Variants in TMEM182 observed in about 807,000 individuals in gnomAD.
TMEM182 encodes the protein transmembrane protein 182.
A neutral mutation model predicts 26.8 loss-of-function variants in TMEM182; 20 were observed. The ratio of observed to expected loss-of-function variants is 0.75; its 90% CI spans 0.53 to 1.09. The LOEUF (loss-of-function observed/expected upper bound fraction) is 1.09, where lower values mean the gene tolerates loss of function less well. Ranked by LOEUF, TMEM182 falls within the 50% of genes least tolerant of loss-of-function variation. TMEM182 has a pLI of 0.00. For missense variants in TMEM182, 277 were observed against 275.5 expected, an observed-to-expected ratio of 1.01 and a Z score of -0.04; for synonymous variants, 109 against 102.2, an observed-to-expected ratio of 1.07 and a Z score of -0.40.
intron 3 of TMEM182, among the ~76,000 whole-genome samples, chr2:102,795,861 A>G (rs1360068015): frequency 1.3e-5 from 2 of 152,162 alleles, no homozygotes; most frequent in Non-Finnish European, 2.9e-5. Flanking sequence ...CCATGCAGCC[A>G]TGACACATAG....
Position 102,782,824 on chromosome 2 carries a change from ATTTT to A in TMEM182, c.332-15034_332-15031del, listed in dbSNP as rs992522413. Among the ~76,000 whole-genome samples, 211 of 152,170 alleles carry A rather than the reference ATTTT, an allele frequency of 1.4e-3. 2 individuals carry two copies. Among genetic ancestry groups the A allele is most frequent in the African/African-American group, 4.9e-3 (205 of 41,520 alleles). On this transcript the variant is annotated intron_variant, in intron 3 of 4. Transcript: ENST00000412401. ...TTAGTTTTGTATAGAGCATCAATATATTTTTTTTCTTTCTATTTAGAAACAAGTT... is the reference window on the plus strand; with the variant it reads ...TTAGTTTTGTATAGAGCATCAATATATTTTCTTTCTATTTAGAAACAAGTT...
At chr2:102,818,667 A>G (rs577309763), downstream of TMEM182, among the ~76,000 whole-genome samples, 4 of 152,274 alleles carry the variant, frequency 2.6e-5, no homozygotes, top group African/African-American at 7.2e-5. Flanking sequence ...TGAAGGGGCA[A>G]TTGGACGGTT....
intron 3 of TMEM182, among the ~76,000 whole-genome samples, chr2:102,774,754 T>C (rs1400491367): frequency 6.6e-6 from 1 of 152,198 alleles, no homozygotes; most frequent in Admixed American, 6.5e-5. Flanking sequence ...TGTCAAAAAA[T>C]AGTTGATCCT....
At chr2:102,755,182 A>G (rs1231431387) in intron 1 of TMEM182, among the ~76,000 whole-genome samples, 1 of 152,232 alleles carries the variant, frequency 6.6e-6, no homozygotes, top group Non-Finnish European at 1.5e-5. Context: ...AGAGGGAAAA[A>G]AAGGATAACC....
At chr2:102,776,795 A>G (rs1285969196) in intron 3 of TMEM182, among the ~76,000 whole-genome samples, 2 of 152,174 alleles carry the variant, frequency 1.3e-5, no homozygotes, top group Non-Finnish European at 2.9e-5. Context: ...CTGTTGTTCT[A>G]TATCCTTGTC....
chr2:102,750,944 G>A (rs1679857816), intron 1 of TMEM182, among the ~76,000 whole-genome samples: 1 of 152,160 alleles, frequency 6.6e-6, no homozygotes, highest in African/African-American at 2.4e-5. Context: ...GTTGGTTTCT[G>A]GTAAGGCCTG....
At chr2:102,838,112 C>T (rs1265091231) in intron 3 of TMEM182, among the ~76,000 whole-genome samples, 1 of 152,142 alleles carries the variant, frequency 6.6e-6, no homozygotes, top group Non-Finnish European at 1.5e-5. Flanking sequence ...AGTCTTATTC[C>T]CTTTTTCTTG....
chr2:102,758,358 G>GCAAC, upstream of TMEM182: 1 of 673,762 alleles, frequency 1.5e-6, no homozygotes, highest in South Asian at 1.7e-5. Context: ...ACTTGGGGAA[G>GCAAC]CAACACTGAA....
At chr2:102,770,170 A>G (rs1292645253) in intron 3 of TMEM182, among the ~76,000 whole-genome samples, 1 of 152,216 alleles carries the variant, frequency 6.6e-6, no homozygotes, top group African/African-American at 2.4e-5. Flanking sequence ...AAGAAGCATT[A>G]AGAAACAAGT....
At chr2:102,811,672 T>G (rs1245275642) in intron 4 of TMEM182, among the ~76,000 whole-genome samples, 1 of 152,308 alleles carries the variant, frequency 6.6e-6, no homozygotes, top group East Asian at 1.9e-4. Flanking sequence ...CACTGTGAGT[T>G]CCTATTTTAT....
At chr2:102,747,613 G>A (rs1480620993) in intron 1 of TMEM182, among the ~76,000 whole-genome samples, 1 of 152,028 alleles carries the variant, frequency 6.6e-6, no homozygotes, top group Admixed American at 6.6e-5. Flanking sequence ...TAGTTGAGAT[G>A]CCATGTAACC....
intron 3 of TMEM182, among the ~76,000 whole-genome samples, chr2:102,768,217 T>C (rs1193567224): frequency 1.3e-5 from 2 of 152,096 alleles, no homozygotes; most frequent in African/African-American, 2.4e-5. Flanking sequence ...TCCATGAGAG[T>C]GGGAGTCTTG....
chr2:102,837,138 A>G (rs1683260195), intron 3 of TMEM182, among the ~76,000 whole-genome samples: 1 of 152,170 alleles, frequency 6.6e-6, no homozygotes, highest in Non-Finnish European at 1.5e-5. Context: ...TGGTGTTTCT[A>G]ATTTCTTCAT....
exon 1 of TMEM182, chr2:102,736,969 G>A (rs1198146331): frequency 4.8e-6 from 4 of 828,306 alleles, no homozygotes; most frequent in Non-Finnish European, 7.2e-6. Flanking sequence ...CTGGCTGGGA[G>A]TTCTGGTCTC....
intron 1 of TMEM182, among the ~76,000 whole-genome samples, chr2:102,754,035 T>C (rs1375568269): frequency 6.6e-6 from 1 of 152,150 alleles, no homozygotes; most frequent in African/African-American, 2.4e-5. Context: ...CAAACTGTAA[T>C]ACAAAACTAA....
intron 1 of TMEM182, among the ~76,000 whole-genome samples, chr2:102,744,805 T>C (rs1019471572): frequency 6.6e-6 from 1 of 152,162 alleles, no homozygotes; most frequent in Non-Finnish European, 1.5e-5. Flanking sequence ...TTGTCTTTTT[T>C]GCCTTTGACT....
At chr2:102,837,017 C>A (rs1423232798) in intron 3 of TMEM182, among the ~76,000 whole-genome samples, 1 of 152,162 alleles carries the variant, frequency 6.6e-6, no homozygotes, top group African/African-American at 2.4e-5. Context: ...ATGTTGCCTG[C>A]CCTGTGCCTG....
At chr2:102,778,715 C>A (rs1681034351) in intron 3 of TMEM182, among the ~76,000 whole-genome samples, 1 of 151,132 alleles carries the variant, frequency 6.6e-6, no homozygotes, top group Non-Finnish European at 1.5e-5. Context: ...TTATTATGGT[C>A]TATCGATGTT....
intron 3 of TMEM182, among the ~76,000 whole-genome samples, chr2:102,834,919 C>G (rs574560035): frequency 1.3e-5 from 2 of 152,192 alleles, no homozygotes; most frequent in Admixed American, 1.3e-4. Context: ...TGGGCCTCAC[C>G]CGTTTCACCT....
Sources: allele counts gnomAD v4.1 joint callset (sites outside exome capture counted in the v4.1 genomes callset), GRCh38; gene constraint gnomAD v4.1.1; transcripts MANE v1.5; gene names NCBI Gene and HGNC (gene_info 2026-07-23, HGNC 2026-07-21).